The following ANO3 variants were observed in gnomAD, a reference collection of about 807,000 sequenced individuals.
ANO3 encodes anoctamin-3.
A neutral mutation model predicts 144.8 loss-of-function variants in ANO3; 99 were observed. The ratio of observed to expected loss-of-function variants is 0.68; its 90% CI spans 0.58 to 0.81. The LOEUF (loss-of-function observed/expected upper bound fraction) is 0.81, where lower values mean the gene tolerates loss of function less well. Among genes scored for constraint, ANO3 ranks in the 30% least tolerant of loss-of-function variants. ANO3 has a pLI of 0.00. For missense variants in ANO3, 905 were observed against 1,202.2 expected (o/e 0.75, Z 3.66); for synonymous variants, 414 against 392.6 (o/e 1.05, Z -0.64).
intron 9 of ANO3, among the ~76,000 whole-genome samples, chr11:26,535,306 AAAT>A (rs1290414447): frequency 6.6e-6 from 1 of 152,228 alleles, no homozygotes; most frequent in African/African-American, 2.4e-5. Context: ...GTATAATACA[AAAT>A]AAACTTGAGA....
At chr11:26,460,141 G>T (rs1476841677) in intron 3 of ANO3, 2 of 449,736 alleles carry the variant, frequency 4.4e-6, no homozygotes, top group African/African-American at 4.0e-5. Context: ...CATCAGGACA[G>T]TGATTTAAAA....
At chr11:26,547,225 TTAAAAA>T in intron 11 of ANO3, among the ~76,000 whole-genome samples, 185 bp from the exon 12 acceptor site, 1 of 151,922 alleles carries the variant, frequency 6.6e-6, no homozygotes, top group South Asian at 2.1e-4. Flanking sequence ...TTGAAAATGT[TTAAAAA>T]TAAACAACAT....
At chr11:26,377,431 A>T (rs945939245) in intron 1 of ANO3, among the ~76,000 whole-genome samples, 5 of 152,274 alleles carry the variant, frequency 3.3e-5, no homozygotes, top group African/African-American at 9.6e-5. Context: ...TAGCATAAAA[A>T]GTTCACTGTT....
At chr11:26,621,854 G>T (rs964580046) in intron 17 of ANO3, among the ~76,000 whole-genome samples, 1 of 152,052 alleles carries the variant, frequency 6.6e-6, no homozygotes, top group Non-Finnish European at 1.5e-5. Context: ...TCTCCAACAT[G>T]TTATCACGTG....
chr11:26,464,627 T>A (rs1433141828), intron 4 of ANO3, among the ~76,000 whole-genome samples: 5 of 151,802 alleles, frequency 3.3e-5, no homozygotes, highest in Admixed American at 3.3e-4. Context: ...ATATCAAAGT[T>A]TTAAAAAAGT....
intron 4 of ANO3, among the ~76,000 whole-genome samples, chr11:26,479,682 G>T (rs974361507): frequency 2.0e-5 from 3 of 152,150 alleles, no homozygotes; most frequent in African/African-American, 4.8e-5. Context: ...ATGAGATTCA[G>T]GTGGGGACAC....
At chr11:26,535,792 C>T (rs932278378) in intron 9 of ANO3, among the ~76,000 whole-genome samples, 1 of 151,252 alleles carries the variant, frequency 6.6e-6, no homozygotes, top group Non-Finnish European at 1.5e-5. Flanking sequence ...ACTGTGTTAG[C>T]CAGGACAGTG....
At chr11:26,477,728 G>A (rs557480752) in intron 4 of ANO3, among the ~76,000 whole-genome samples, 51 of 152,230 alleles carry the variant, frequency 3.4e-4, no homozygotes, top group African/African-American at 1.2e-3. Flanking sequence ...GAGAATATTA[G>A]GGAAACATTG....
chr11:26,656,276 A>G (rs933824105), intron 25 of ANO3, 71 bp downstream of exon 25: 8 of 1,485,066 alleles, frequency 5.4e-6, no homozygotes, highest in African/African-American at 1.4e-5. Context: ...GTTAATGAGG[A>G]CATTTAAACT....
chr11:26,330,022 T>A (rs1326597338), upstream of ANO3, among the ~76,000 whole-genome samples: 1 of 152,166 alleles, frequency 6.6e-6, no homozygotes, highest in East Asian at 1.9e-4. Flanking sequence ...AGGGATTGAA[T>A]TAAAGTTTAA....
chr11:26,512,250 T>G (rs1861693509), intron 5 of ANO3, among the ~76,000 whole-genome samples: 1 of 152,228 alleles, frequency 6.6e-6, no homozygotes, highest in South Asian at 2.1e-4. Context: ...TGTAAAAACG[T>G]AATTTTTAAG....
upstream of ANO3, among the ~76,000 whole-genome samples, chr11:26,328,692 C>G (rs911695448): frequency 6.6e-6 from 1 of 151,842 alleles, no homozygotes; most frequent in African/African-American, 2.4e-5. Flanking sequence ...TTGTGGGGAG[C>G]AAGAGCAGCA....
At chr11:26,228,187 G>T (rs1018254314) in intron 1 of ANO3, among the ~76,000 whole-genome samples, 1 of 152,186 alleles carries the variant, frequency 6.6e-6, no homozygotes, top group African/African-American at 2.4e-5. Context: ...TTTTATTTTG[G>T]TGGAAGCTGT....
intron 4 of ANO3, among the ~76,000 whole-genome samples, chr11:26,471,733 G>A (rs1443856775): frequency 6.6e-6 from 1 of 151,876 alleles, no homozygotes; most frequent in Non-Finnish European, 1.5e-5. Context: ...GGATTTGTTG[G>A]GGTAGATGCC....
intron 17 of ANO3, among the ~76,000 whole-genome samples, chr11:26,622,112 T>C (rs1852432300): frequency 6.6e-6 from 1 of 152,198 alleles, no homozygotes; most frequent in African/African-American, 2.4e-5. Context: ...AGCTCATCAG[T>C]GATGTTGCCA....
At chr11:26,355,496 C>T (rs1855755845) in intron 1 of ANO3, among the ~76,000 whole-genome samples, 1 of 151,568 alleles carries the variant, frequency 6.6e-6, no homozygotes, top group Non-Finnish European at 1.5e-5. Context: ...CTCATTCATC[C>T]ACAACCGTTC....
At chr11:26,456,638 TA>T (rs1859171396) in intron 3 of ANO3, among the ~76,000 whole-genome samples, 1 of 108,130 alleles carries the variant, frequency 9.2e-6, no homozygotes, top group Non-Finnish European at 1.9e-5. Context: ...GACTGTAAAC[TA>T]GTTCAACCAT....
intron 1 of ANO3, among the ~76,000 whole-genome samples, chr11:26,435,603 T>C (rs1304974545): frequency 3.9e-5 from 6 of 152,224 alleles, no homozygotes; most frequent in Admixed American, 3.9e-4. Flanking sequence ...TTTTTTATTC[T>C]TTGTTCTTTA....
At chr11:26,612,810 A>G (rs1590631421) in intron 17 of ANO3, among the ~76,000 whole-genome samples, 1 of 152,136 alleles carries the variant, frequency 6.6e-6, no homozygotes, top group African/African-American at 2.4e-5. Flanking sequence ...TCAGCACTTT[A>G]AATATAACAA....
Sources: gnomAD v4.1 joint callset for allele counts (sites outside exome capture counted in the v4.1 genomes callset) on GRCh38, gnomAD v4.1.1 for gene constraint, MANE v1.5 for transcripts, NCBI Gene and HGNC (gene_info 2026-07-23, HGNC 2026-07-21) for gene names.